Variants in FOXN2 observed in about 807,000 individuals in gnomAD.
The protein encoded by FOXN2 is forkhead box N2.
A neutral mutation model predicts 41.2 loss-of-function variants in FOXN2; 19 were observed. The ratio of observed to expected loss-of-function variants is 0.46; its 90% CI spans 0.32 to 0.68. FOXN2 has a LOEUF of 0.68. Ranked by LOEUF, FOXN2 falls within the 30% of genes least tolerant of loss-of-function variation. FOXN2 has a pLI of 0.03. For missense variants in FOXN2, 587 were observed against 509.4 expected (o/e 1.15, Z -1.47); for synonymous variants, 195 against 176.8 (o/e 1.10, Z -0.82).
intron 1 of FOXN2, among the ~76,000 whole-genome samples, chr2:48,321,910 A>T (rs763980757): frequency 6.6e-6 from 1 of 152,192 alleles, no homozygotes; most frequent in Non-Finnish European, 1.5e-5. Context: ...CTGAGATAGA[A>T]CTGTAAGCAA....
At chr2:48,337,056 T>C (rs1572718630) in intron 2 of FOXN2, among the ~76,000 whole-genome samples, 1 of 102,050 alleles carries the variant, frequency 9.8e-6, no homozygotes, top group South Asian at 3.2e-4. Context: ...TCTTATTCAC[T>C]TTTTTTTTTT....
intron 2 of FOXN2, chr2:48,340,960 G>A (rs1451002073): frequency 6.6e-6 from 1 of 152,162 alleles, no homozygotes; most frequent in Non-Finnish European, 1.5e-5. Context: ...TTGGATAGCA[G>A]TGTCTTGGCT....
intron 3 of FOXN2, among the ~76,000 whole-genome samples, chr2:48,348,329 C>G (rs1671243636): frequency 6.6e-6 from 1 of 152,052 alleles, no homozygotes; most frequent in Admixed American, 6.6e-5. Flanking sequence ...TGATAAGCCC[C>G]AATGAAGGAC....
intron 3 of FOXN2, among the ~76,000 whole-genome samples, chr2:48,355,181 T>C (rs1671707471): frequency 6.6e-6 from 1 of 152,202 alleles, no homozygotes; most frequent in Admixed American, 6.5e-5. Flanking sequence ...GTGATAATAC[T>C]CAAAAGGGAG....
Position 48,322,620 on chromosome 2 carries a change from C to CT in FOXN2, c.-156-5938dup, listed in dbSNP as rs1669405977. 3.3e-5 allele frequency among the ~76,000 whole-genome samples: 5 copies of CT among 151,646 alleles called. 1 individual carries two copies. The South Asian group carries it at 1.0e-3, about 32-fold the overall frequency. On this transcript the variant is annotated intron_variant, in intron 1 of 6. Coordinates refer to ENST00000340553, the MANE Select transcript of FOXN2 (RefSeq NM_002158.4). ...TATCCAATACATTTTTTTCGTAATC[C>CT]TTTAAGTCTTCATTTCTGAAATGAT...
chr2:48,339,439 C>T (rs1000871434), intron 2 of FOXN2, among the ~76,000 whole-genome samples: 5 of 152,122 alleles, frequency 3.3e-5, no homozygotes, highest in African/African-American at 4.8e-5. Flanking sequence ...CTCCTGCCAC[C>T]ATGTGAAGAA....
intron 1 of FOXN2, among the ~76,000 whole-genome samples, chr2:48,327,977 A>T (rs1431417404): frequency 1.3e-5 from 2 of 152,180 alleles, no homozygotes; most frequent in East Asian, 3.9e-4. Context: ...GCTATTAGTA[A>T]GGTATCATTG....
rs575463212 is a variant in FOXN2 at position 48,368,117 on chromosome 2, C to G, written c.704-5175C>G. On this transcript the variant is annotated intron_variant, in intron 5 of 6. Transcript: ENST00000340553. ...TCGGCCTCCCAAAGTGCTGGGATTA[C>G]AGGTGTGAGCCACCACGCTTAGCCA... 1.5e-3 allele frequency among the ~76,000 whole-genome samples: 229 copies of G among 152,080 alleles called. 1 individual carries two copies. Among genetic ancestry groups the G allele is most frequent in the Non-Finnish European group, 2.6e-3 (174 of 67,974 alleles).
chr2:48,314,446 C>T (rs980127281), upstream of FOXN2, among the ~76,000 whole-genome samples: 1 of 152,270 alleles, frequency 6.6e-6, no homozygotes, highest in Non-Finnish European at 1.5e-5. Flanking sequence ...CTGCATTTCA[C>T]CCCCACCCCA....
rs755002929 is a variant in FOXN2, at chr2:48,350,730, C to T, written c.537+3979C>T. Reference sequence around the variant, plus strand: ...GCCTGCCTGCAGTCTTCCTCTGGAGCACCAGATGGAGGCCAGTGGAAAAAG... The same window carrying T: ...GCCTGCCTGCAGTCTTCCTCTGGAGTACCAGATGGAGGCCAGTGGAAAAAG... On this transcript the variant is annotated intron_variant, in intron 3 of 6. Coordinates refer to ENST00000340553, the MANE Select transcript of FOXN2 (RefSeq NM_002158.4). 6.6e-5 allele frequency among the ~76,000 whole-genome samples: 10 copies of T among 152,336 alleles called. No individual in the cohort carries two copies. In the East Asian group the frequency reaches 1.9e-3, roughly 29 times the overall value.
At chr2:48,345,373 G>C (rs967241217) in intron 2 of FOXN2, among the ~76,000 whole-genome samples, 3 of 152,062 alleles carry the variant, frequency 2.0e-5, no homozygotes, top group Non-Finnish European at 2.9e-5. Flanking sequence ...GGAGATGTTA[G>C]TCAAAGAGTA....
intron 5 of FOXN2, among the ~76,000 whole-genome samples, chr2:48,367,912 C>T (rs759154836): frequency 9.2e-5 from 14 of 152,120 alleles, no homozygotes; most frequent in East Asian, 1.9e-4. Context: ...GCACGATCTT[C>T]GCTCACTGTA....
intron 2 of FOXN2, among the ~76,000 whole-genome samples, 172 bp from the exon 3 acceptor site, chr2:48,346,029 C>T (rs1274155899): frequency 6.6e-6 from 1 of 152,114 alleles, no homozygotes; most frequent in Non-Finnish European, 1.5e-5. Flanking sequence ...AAGTTATTTT[C>T]CTTGTATTAT....
chr2:48,340,366 C>T (rs1446964297), intron 2 of FOXN2, among the ~76,000 whole-genome samples: 1 of 152,156 alleles, frequency 6.6e-6, no homozygotes, highest in African/African-American at 2.4e-5. Context: ...AAAATGCTCT[C>T]CTATGACCTT....
At chr2:48,340,225 A>T in intron 2 of FOXN2, among the ~76,000 whole-genome samples, 1 of 152,170 alleles carries the variant, frequency 6.6e-6, no homozygotes, top group East Asian at 1.9e-4. Context: ...TATCACTGTG[A>T]CACATCTAAT....
chr2:48,344,596 G>A (rs1670975906), intron 2 of FOXN2, among the ~76,000 whole-genome samples: 1 of 152,196 alleles, frequency 6.6e-6, no homozygotes. Flanking sequence ...GATATCATAT[G>A]TAAATTGTTT....
In FOXN2 at chr2:48,346,648, A is replaced by G. The variant is rs141221909; in HGVS notation, c.434A>G (p.His145Arg). The G allele has an allele frequency of 2.6e-5, 42 of 1,614,090 alleles. No homozygotes were observed. In the Admixed American group the frequency reaches 5.5e-4, roughly 21 times the overall value. Reference protein sequence around the residue: ...VKEIYSWILDHFPYFATAPTG... With the variant: ...VKEIYSWILDRFPYFATAPTG... Reference sequence around the variant, plus strand: ...GAAATTTATAGCTGGATTCTGGACCATTTTCCATATTTTGCTACTGCACCA... The same window carrying G: ...GAAATTTATAGCTGGATTCTGGACCGTTTTCCATATTTTGCTACTGCACCA... Residue 145 changes from histidine to arginine, a missense_variant, in exon 3 of 7, where the codon CAT becomes CGT. By Grantham distance (29) the His-to-Arg change is conservative. Transcript: ENST00000340553.
intron 3 of FOXN2, among the ~76,000 whole-genome samples, chr2:48,352,012 G>C (rs1404242125): frequency 6.6e-6 from 1 of 152,162 alleles, no homozygotes; most frequent in Non-Finnish European, 1.5e-5. Context: ...GAGTGATCCA[G>C]AATAGAAGTG....
intron 1 of FOXN2, among the ~76,000 whole-genome samples, chr2:48,315,723 C>T (rs921338398): frequency 2.0e-5 from 3 of 152,192 alleles, no homozygotes; most frequent in Non-Finnish European, 4.4e-5. Context: ...ACTCCACCCC[C>T]TTTTGCACCT....
Sources: gnomAD v4.1 joint callset for allele counts (sites outside exome capture counted in the v4.1 genomes callset) on GRCh38, gnomAD v4.1.1 for gene constraint, MANE v1.5 for transcripts, NCBI Gene and HGNC (gene_info 2026-07-23, HGNC 2026-07-21) for gene names.